TLK2: variants seen among roughly 807,000 people sequenced by gnomAD.
TLK2 encodes tousled like kinase 2, also known as serine/threonine-protein kinase tousled-like 2.
Under a neutral mutation model 117.3 loss-of-function variants are expected in TLK2, and 6 were observed. That is an observed-to-expected ratio of 0.05 (90% CI 0.03 to 0.10). The LOEUF (loss-of-function observed/expected upper bound fraction) is 0.10. TLK2 is among the 10% of genes least tolerant of loss of function. The probability of loss-of-function intolerance (pLI) is 1.00; values close to 1 mark genes in which losing one functional copy is unlikely to be tolerated. For missense variants in TLK2, 299 were observed against 901.2 expected, an observed-to-expected ratio of 0.33 and a Z score of 8.56; for synonymous variants, 257 against 316.7, an observed-to-expected ratio of 0.81 and a Z score of 2.00.
intron 15 of TLK2, among the ~76,000 whole-genome samples, chr17:62,581,544 A>G: frequency 6.7e-6 from 1 of 149,444 alleles, no homozygotes; most frequent in Non-Finnish European, 1.5e-5. Context: ...GCTGAAGTGT[A>G]CTCCCATCTC....
chr17:62,560,815 G>A (rs1234708101), intron 10 of TLK2, among the ~76,000 whole-genome samples: 1 of 151,766 alleles, frequency 6.6e-6, no homozygotes, highest in African/African-American at 2.4e-5. Flanking sequence ...CACCATGCCC[G>A]GCCAATTTTT....
At position 62,522,187 on chromosome 17, in the gene TLK2, TATATG is replaced by T. The variant is rs1172030382; in HGVS notation, c.154-16_154-12del. On this transcript the variant is annotated splice_polypyrimidine_tract_variant and intron_variant, in intron 3 of 21. Transcript: ENST00000346027. ...ATTTACCAAAATGCTAATTGTGACT[TATATG>T]GTATTTGACAGACTCCCGAGAAAAA... 30 of 1,610,288 alleles carry T rather than the reference TATATG, an allele frequency of 1.9e-5. No homozygotes were observed. The highest frequency in any genetic ancestry group is 2.5e-5 in the Non-Finnish European group (29 of 1,178,976).
At chr17:62,496,069 G>A (rs1265723427) in intron 2 of TLK2, among the ~76,000 whole-genome samples, 1 of 151,902 alleles carries the variant, frequency 6.6e-6, no homozygotes, top group Non-Finnish European at 1.5e-5. Flanking sequence ...TATCCACCTG[G>A]TTTCCTTCCT....
At chr17:62,475,893 C>T (rs1407324975), upstream of TLK2, among the ~76,000 whole-genome samples, 2 of 152,006 alleles carry the variant, frequency 1.3e-5, no homozygotes, top group African/African-American at 2.4e-5. Flanking sequence ...GACCTCCTGA[C>T]CTCATGATCC....
intron 16 of TLK2, among the ~76,000 whole-genome samples, chr17:62,594,969 A>AT (rs967488691): frequency 1.0e-4 from 15 of 150,642 alleles, no homozygotes; most frequent in African/African-American, 1.9e-4. Flanking sequence ...CCAGGAATTG[A>AT]TTTTTTTTTT....
chr17:62,596,520 A>G, intron 16 of TLK2, 65 bp from the exon 17 acceptor site: 1 of 1,158,064 alleles, frequency 8.6e-7, no homozygotes, highest in Non-Finnish European at 1.3e-6. Context: ...ATTTAGGAGG[A>G]TCTTTGAAGA....
At chr17:62,566,655 AC>A (rs1347080909) in intron 11 of TLK2, among the ~76,000 whole-genome samples, 4 of 152,242 alleles carry the variant, frequency 2.6e-5, no homozygotes, top group African/African-American at 9.6e-5. Flanking sequence ...AACAGCAGTT[AC>A]ATGGAGGTAT....
chr17:62,517,289 G>T (rs1251926419), intron 2 of TLK2, among the ~76,000 whole-genome samples: 2 of 152,348 alleles, frequency 1.3e-5, no homozygotes, highest in South Asian at 4.1e-4. Context: ...TGTATGTGAG[G>T]ATTTCCTTCT....
chr17:62,557,753 A>G (rs543577667), intron 9 of TLK2, among the ~76,000 whole-genome samples: 2 of 152,326 alleles, frequency 1.3e-5, no homozygotes, highest in East Asian at 3.9e-4. Context: ...TTTCTCCATC[A>G]TCTGACTCTT....
upstream of TLK2, among the ~76,000 whole-genome samples, chr17:62,474,109 C>T (rs941680101): frequency 3.3e-5 from 5 of 152,066 alleles, no homozygotes; most frequent in African/African-American, 1.2e-4. Flanking sequence ...GACCGAGTCT[C>T]GCTCTGTCGC....
rs1428762756 is a variant in TLK2 at position 62,615,285 on chromosome 17, GGGTT to G, written c.*2721_*2724del. On this transcript the variant is annotated 3_prime_UTR_variant, in exon 22 of 22. Transcript: ENST00000346027. ...AAGCAGCCAGTGAAATCACTAAGTG[GGGTT>G]CTTCCATGACATATTTTGTTAATAT... 6.6e-6 allele frequency: 1 copy of G among 152,090 alleles called. No individual in the cohort carries two copies. The highest frequency in any genetic ancestry group is 1.5e-5 in the Non-Finnish European group (1 of 68,040). The allele number at this position is 152,090 out of a possible 1,614,324, so 9.4% of individuals were successfully genotyped here.
chr17:62,540,286 T>G (rs978387626), intron 7 of TLK2, among the ~76,000 whole-genome samples: 9 of 150,940 alleles, frequency 6.0e-5, no homozygotes, highest in Admixed American at 5.3e-4. Flanking sequence ...TCCTTCTAAT[T>G]GTTACAGCTA....
At chr17:62,530,418 G>C (rs1477053876) in intron 6 of TLK2, among the ~76,000 whole-genome samples, 2 of 152,196 alleles carry the variant, frequency 1.3e-5, no homozygotes, top group Non-Finnish European at 2.9e-5. Context: ...AGCGAGCCAT[G>C]ATCACACCAC....
chr17:62,479,745 C>CT (rs2071392000), intron 1 of TLK2, among the ~76,000 whole-genome samples: 1 of 152,226 alleles, frequency 6.6e-6, no homozygotes, highest in South Asian at 2.1e-4. Context: ...GACGGAGTGG[C>CT]TATTTCCTTA....
chr17:62,593,331 C>G (rs2082216297), intron 16 of TLK2, among the ~76,000 whole-genome samples: 2 of 152,242 alleles, frequency 1.3e-5, no homozygotes, highest in South Asian at 4.2e-4. Flanking sequence ...AGAGGCTACA[C>G]TACATTTATT....
chr17:62,587,492 G>A (rs1473502628), intron 16 of TLK2, among the ~76,000 whole-genome samples: 2 of 152,150 alleles, frequency 1.3e-5, no homozygotes, highest in African/African-American at 4.8e-5. Flanking sequence ...TAGCCCTTTA[G>A]TTGGCTTCTA....
At chr17:62,594,464 G>A (rs2082309300) in intron 16 of TLK2, among the ~76,000 whole-genome samples, 1 of 152,032 alleles carries the variant, frequency 6.6e-6, no homozygotes, top group South Asian at 2.1e-4. Flanking sequence ...ATAGGTTCTT[G>A]GAAACTACAA....
intron 2 of TLK2, among the ~76,000 whole-genome samples, chr17:62,504,801 T>C (rs1365690201): frequency 6.6e-6 from 1 of 152,096 alleles, no homozygotes; most frequent in Non-Finnish European, 1.5e-5. Context: ...GAGTGAGACC[T>C]TATCTTTAAA....
intron 3 of TLK2, among the ~76,000 whole-genome samples, chr17:62,521,262 G>A (rs572751627): frequency 5.3e-5 from 8 of 152,298 alleles, no homozygotes; most frequent in African/African-American, 1.7e-4. Flanking sequence ...GTACAGTTAT[G>A]ATGTGGCCCT....
Sources: gnomAD v4.1 joint callset for allele counts (sites outside exome capture counted in the v4.1 genomes callset) on GRCh38, gnomAD v4.1.1 for gene constraint, MANE v1.5 for transcripts, NCBI Gene and HGNC (gene_info 2026-07-23, HGNC 2026-07-21) for gene names.